BCO1: variants seen among roughly 807,000 people sequenced by gnomAD.
BCO1 encodes the protein beta,beta-carotene 15,15'-dioxygenase.
Under a neutral mutation model 56.3 loss-of-function variants are expected in BCO1, and 54 were observed. The observed-to-expected ratio is 0.96, with a 90% CI of 0.77 to 1.20. The LOEUF (loss-of-function observed/expected upper bound fraction) is 1.20. Among genes scored for constraint, BCO1 ranks in the 50% most tolerant of loss-of-function variants. BCO1 has a pLI of 0.00. For synonymous variants in BCO1, 318 were observed against 266.1 expected, an observed-to-expected ratio of 1.20 and a Z score of -1.90; for missense variants, 801 against 690.9, an observed-to-expected ratio of 1.16 and a Z score of -1.79.
chr16:81,248,116 T>C (rs1187261998), intron 2 of BCO1, among the ~76,000 whole-genome samples: 1 of 152,050 alleles, frequency 6.6e-6, no homozygotes, highest in Non-Finnish European at 1.5e-5. Flanking sequence ...TTCATATAAC[T>C]ACTGGCCAGT....
intron 2 of BCO1, among the ~76,000 whole-genome samples, chr16:81,258,099 C>G (rs538053348): frequency 6.6e-6 from 1 of 152,134 alleles, no homozygotes; most frequent in Non-Finnish European, 1.5e-5. Context: ...CTAGAAAAAT[C>G]AAGGAACAGA....
chr16:81,278,670 T>C (rs945545110), intron 7 of BCO1, among the ~76,000 whole-genome samples: 3 of 152,118 alleles, frequency 2.0e-5, no homozygotes, highest in African/African-American at 7.2e-5. Flanking sequence ...GGAAGGGGTG[T>C]TTCTTCTGAG....
intron 6 of BCO1, among the ~76,000 whole-genome samples, chr16:81,269,078 T>A (rs1012941376): frequency 2.3e-4 from 35 of 149,512 alleles, no homozygotes; most frequent in South Asian, 1.1e-3. Context: ...TTTTTTTTTT[T>A]TTTTTTTTTT....
At position 81,268,026 on chromosome 16, in the gene BCO1, C is replaced by T; in HGVS notation, c.738C>T (p.Val246=). 1 of 1,613,848 alleles carries T rather than the reference C, an allele frequency of 6.2e-7. No individual in the cohort carries two copies. Among genetic ancestry groups the T allele is most frequent in the Non-Finnish European group, 8.5e-7 (1 of 1,180,014 alleles). ...YHSFGVTENY[V]IFLEQPFRLD... ...GCTTTGGAGTCACCGAGAACTATGT[C>T]ATCTTCCTTGAGCAGCCTTTCAGGT... Residue 246 remains valine, a synonymous_variant, in exon 6 of 11, where the codon GTC becomes GTT. Coordinates refer to ENST00000258168, the MANE Select transcript of BCO1 (RefSeq NM_017429.3).
chr16:81,239,849 G>A (rs972451046), intron 1 of BCO1, among the ~76,000 whole-genome samples: 2 of 151,716 alleles, frequency 1.3e-5, no homozygotes, highest in South Asian at 2.1e-4. Context: ...GTACCATTTC[G>A]ACTCTAAAGG....
intron 3 of BCO1, 117 bp downstream of exon 3, chr16:81,259,922 G>A (rs1240181419): frequency 2.3e-6 from 3 of 1,292,490 alleles, no homozygotes; most frequent in Admixed American, 3.4e-5. Flanking sequence ...AACTCCACAT[G>A]ACTGCCCTTT....
At chr16:81,249,521 G>T (rs571474260) in intron 2 of BCO1, among the ~76,000 whole-genome samples, 1 of 152,142 alleles carries the variant, frequency 6.6e-6, no homozygotes, top group Non-Finnish European at 1.5e-5. Flanking sequence ...CTCCCAAAAT[G>T]CTGGGATTAC....
intron 5 of BCO1, among the ~76,000 whole-genome samples, chr16:81,266,897 C>A (rs1010927974): frequency 3.3e-5 from 5 of 152,212 alleles, no homozygotes; most frequent in Admixed American, 1.3e-4. Flanking sequence ...TATCCCACAA[C>A]CCCACAGCAT....
intron 2 of BCO1, among the ~76,000 whole-genome samples, chr16:81,249,551 C>A (rs188964747): frequency 5.3e-5 from 8 of 152,064 alleles, no homozygotes; most frequent in Non-Finnish European, 1.0e-4. Context: ...CCACTGTGCC[C>A]GGCCCCGGCT....
At chr16:81,280,789 C>A (rs1907834111) in intron 7 of BCO1, 68 bp from the exon 8 acceptor site, 2 of 1,150,186 alleles carry the variant, frequency 1.7e-6, no homozygotes, top group Admixed American at 3.6e-5. Flanking sequence ...AAAATATATA[C>A]ACTAAAGCAA....
At chr16:81,264,507 T>C (rs1906686421) in intron 4 of BCO1, 133 bp from the exon 5 acceptor site, 1 of 1,112,680 alleles carries the variant, frequency 9.0e-7, no homozygotes, top group Non-Finnish European at 1.4e-6. Context: ...ATATCCCTCA[T>C]CTCTCTGAAC....
chr16:81,259,469 G>C (rs1199934418), intron 2 of BCO1, among the ~76,000 whole-genome samples: 1 of 152,096 alleles, frequency 6.6e-6, no homozygotes, highest in Non-Finnish European at 1.5e-5. Flanking sequence ...ATTCCAGCCT[G>C]GGCAACAAGA....
chr16:81,256,968 TC>T (rs764468178), intron 2 of BCO1, among the ~76,000 whole-genome samples: 79 of 152,104 alleles, frequency 5.2e-4, no homozygotes, highest in Admixed American at 1.2e-3. Context: ...TTCACTCCTG[TC>T]CTCCAAATCC....
intron 7 of BCO1, among the ~76,000 whole-genome samples, chr16:81,270,813 C>T (rs867924869): frequency 6.6e-6 from 1 of 150,884 alleles, no homozygotes; most frequent in African/African-American, 2.4e-5. Context: ...GTTGCGATCT[C>T]TGCTCGCTGC....
At position 81,259,815 on chromosome 16, in the gene BCO1, T is replaced by C. The variant is rs1304964716; in HGVS notation, c.323+10T>C. The C allele has an allele frequency of 6.2e-7, 1 of 1,614,162 alleles. No individual in the cohort carries two copies. The highest frequency in any genetic ancestry group is 1.3e-5 in the African/African-American group (1 of 75,066). On this transcript the variant is annotated intron_variant, in intron 3 of 10. Transcript: ENST00000258168. Reference sequence around the variant, plus strand: ...AAAACATATTTTCCAAGTAACTGCCTATTTTAAATCTGAGCAAATTTCATG... The same window carrying C: ...AAAACATATTTTCCAAGTAACTGCCCATTTTAAATCTGAGCAAATTTCATG...
Position 81,255,386 on chromosome 16 carries a change from G to C in BCO1, c.194-4290G>C, listed in dbSNP as rs373796266. Among the ~76,000 whole-genome samples the C allele has an allele frequency of 1.4e-4, 21 of 152,362 alleles. No homozygotes were observed. In the East Asian group the frequency reaches 1.9e-3, roughly 14 times the overall value. ...AGCTGGGAAATAAGTCTGCAGGGCT[G>C]TGAGTACCCAAGCCCTTTGTACTTC... On this transcript the variant is annotated intron_variant, in intron 2 of 10. Transcript: ENST00000258168.
chr16:81,271,423 C>A (rs1046380292), intron 7 of BCO1, among the ~76,000 whole-genome samples: 1 of 152,118 alleles, frequency 6.6e-6, no homozygotes, highest in African/African-American at 2.4e-5. Flanking sequence ...CCTAATTTGC[C>A]CATTTAAAGT....
chr16:81,265,041 C>G (rs1254787856), intron 5 of BCO1, among the ~76,000 whole-genome samples: 1 of 152,096 alleles, frequency 6.6e-6, no homozygotes, highest in Non-Finnish European at 1.5e-5. Flanking sequence ...ATTAATTTAT[C>G]TACCCATCTA....
intron 7 of BCO1, among the ~76,000 whole-genome samples, chr16:81,271,660 G>A (rs369150609): frequency 3.9e-5 from 6 of 152,016 alleles, no homozygotes; most frequent in Admixed American, 6.6e-5. Flanking sequence ...TTTTGTGTCC[G>A]GCTCCTTTCA....
Sources: gnomAD v4.1 joint callset for allele counts (sites outside exome capture counted in the v4.1 genomes callset) on GRCh38, gnomAD v4.1.1 for gene constraint, MANE v1.5 for transcripts, NCBI Gene and HGNC (gene_info 2026-07-23, HGNC 2026-07-21) for gene names.